Variants in SMOC2 observed in about 807,000 individuals in gnomAD.
The protein encoded by SMOC2 is SPARC related modular calcium binding 2, also known as SPARC-related modular calcium-binding protein 2.
SMOC2 carries 39 observed loss-of-function variants against 61.4 expected under a neutral mutation model. The ratio of observed to expected loss-of-function variants is 0.64; its 90% CI spans 0.49 to 0.83. The LOEUF (loss-of-function observed/expected upper bound fraction) is 0.83, where lower values mean the gene tolerates loss of function less well. SMOC2 is among the 40% of genes least tolerant of loss of function. The pLI is 0.00. For synonymous variants in SMOC2, 247 were observed against 239.9 expected (o/e 1.03, Z -0.27); for missense variants, 556 against 592.9 (o/e 0.94, Z 0.65).
At chr6:168,628,588 T>G (rs1254470841) in intron 9 of SMOC2, among the ~76,000 whole-genome samples, 1 of 152,254 alleles carries the variant, frequency 6.6e-6, no homozygotes, top group Non-Finnish European at 1.5e-5. Flanking sequence ...ACTCGCAGCA[T>G]GTATCCAACA....
intron 1 of SMOC2, among the ~76,000 whole-genome samples, chr6:168,447,603 A>G (rs1365069629): frequency 6.6e-6 from 1 of 152,080 alleles, no homozygotes. Flanking sequence ...TTGGGGGGAA[A>G]GGGGTAGGCA....
intron 4 of SMOC2, among the ~76,000 whole-genome samples, chr6:168,536,016 C>T (rs150613956): frequency 2.6e-5 from 4 of 152,234 alleles, no homozygotes; most frequent in Non-Finnish European, 4.4e-5. Flanking sequence ...AATTTTCACA[C>T]GTGCCAACCT....
chr6:168,509,000 C>T (rs978184321), intron 1 of SMOC2, among the ~76,000 whole-genome samples: 8 of 152,212 alleles, frequency 5.3e-5, no homozygotes, highest in Non-Finnish European at 7.3e-5. Flanking sequence ...TCACCTTGAG[C>T]TTCACCTTGG....
At chr6:168,664,156 T>C in intron 12 of SMOC2, 45 bp downstream of exon 12, 1 of 1,459,298 alleles carries the variant, frequency 6.9e-7, no homozygotes, top group South Asian at 1.2e-5. Context: ...GTTTTTAAAT[T>C]ATAAACAATA....
chr6:168,547,278 G>A, intron 6 of SMOC2, 109 bp downstream of exon 6: 1 of 861,576 alleles, frequency 1.2e-6, no homozygotes, highest in Non-Finnish European at 1.9e-6. Flanking sequence ...TCAGTATGGA[G>A]TGTAACATGC....
chr6:168,537,550 C>T (rs1042776149), intron 4 of SMOC2, among the ~76,000 whole-genome samples: 30 of 152,308 alleles, frequency 2.0e-4, no homozygotes, highest in African/African-American at 6.7e-4. Context: ...GGGAGAGCAG[C>T]GTCTATCCTA....
At chr6:168,510,228 A>G (rs1782974907) in intron 2 of SMOC2, 142 bp downstream of exon 2, 3 of 722,372 alleles carry the variant, frequency 4.2e-6, no homozygotes, top group Non-Finnish European at 6.5e-6. Context: ...TGTAAGGAAG[A>G]AGAGTAATTT....
chr6:168,592,317 CG>C, intron 7 of SMOC2, among the ~76,000 whole-genome samples: 1 of 147,618 alleles, frequency 6.8e-6, no homozygotes, highest in East Asian at 2.0e-4. Context: ...TGAGGCCTCA[CG>C]GGCGTCTTTC....
chr6:168,486,875 G>T (rs1782350994), intron 1 of SMOC2, among the ~76,000 whole-genome samples: 1 of 152,056 alleles, frequency 6.6e-6, no homozygotes, highest in Non-Finnish European at 1.5e-5. Context: ...CCATAGGCTT[G>T]TCACTTCTTG....
In SMOC2 at chr6:168,515,365, G is replaced by A. The variant is rs577100459; in HGVS notation, c.256+5279G>A. ...AGTCTGCGGAGAGACTGTTCCCCGC[G>A]CATCACAGATCTTGAAATAACTGGG... On this transcript the variant is annotated intron_variant, in intron 2 of 12. Coordinates refer to ENST00000356284, the MANE Select transcript of SMOC2 (RefSeq NM_001166412.2). Among the ~76,000 whole-genome samples the A allele has an allele frequency of 9.0e-4, 137 of 152,300 alleles. 4 individuals carry two copies. The South Asian group carries it at 0.027, about 30-fold the overall frequency.
intron 2 of SMOC2, among the ~76,000 whole-genome samples, chr6:168,517,440 T>C (rs1783169764): frequency 6.6e-6 from 1 of 152,224 alleles, no homozygotes; most frequent in African/African-American, 2.4e-5. Context: ...GCTTCACGTC[T>C]GATGTGGGTC....
chr6:168,501,157 T>C lies in SMOC2; in HGVS notation c.85-8758T>C, dbSNP rs137903405. ...TTAATGTAACACCATCCTCATCATA[T>C]CTTATTAGGAAGAATTTTAGAATAA... is the stretch of plus-strand genomic sequence containing the variant. On this transcript the variant is annotated intron_variant, in intron 1 of 12. Transcript: ENST00000356284. Among the ~76,000 whole-genome samples, 1,177 of 152,282 alleles carry C rather than the reference T, an allele frequency of 7.7e-3. 14 individuals are homozygous for C. Among genetic ancestry groups the C allele is most frequent in the African/African-American group, 0.025 (1,057 of 41,548 alleles).
intron 12 of SMOC2, chr6:168,664,897 C>T (rs1787621311): frequency 1.1e-5 from 5 of 454,804 alleles, no homozygotes; most frequent in South Asian, 6.5e-5. Flanking sequence ...TTTATTTTGT[C>T]TGCACCTGTT....
intron 1 of SMOC2, among the ~76,000 whole-genome samples, chr6:168,461,766 G>A (rs1434560130): frequency 2.0e-5 from 3 of 152,288 alleles, no homozygotes; most frequent in East Asian, 1.9e-4. Context: ...TGAGGCAGCC[G>A]TGCTAGAAAC....
intron 9 of SMOC2, among the ~76,000 whole-genome samples, chr6:168,610,477 A>G (rs1785830522): frequency 1.3e-5 from 2 of 152,196 alleles, no homozygotes; most frequent in African/African-American, 4.8e-5. Context: ...GGAGAAACCT[A>G]TTTCCAAAAT....
Position 168,441,227 on chromosome 6 carries a change from C to T in SMOC2, c.-144C>T, listed in dbSNP as rs989449104. 1.1e-4 allele frequency: 140 copies of T among 1,279,296 alleles called. No individual in the cohort carries two copies. The Middle Eastern group carries it at 1.4e-3, about 13-fold the overall frequency. The allele number at this position is 1,279,296 out of a possible 1,614,324, so 79.2% of individuals were successfully genotyped here. A position where few individuals can be genotyped will look rare whatever the true frequency, so the allele number is the denominator to read the frequency against. ...GTGCCTGCAGGGGAGCTGCTCCAGCCGGGCCGCCGGGAGCGGTGGGGAGAG... is the reference window on the plus strand; with the variant it reads ...GTGCCTGCAGGGGAGCTGCTCCAGCTGGGCCGCCGGGAGCGGTGGGGAGAG... On this transcript the variant is annotated 5_prime_UTR_variant, in exon 1 of 13. Coordinates refer to ENST00000356284, the MANE Select transcript of SMOC2 (RefSeq NM_001166412.2).
chr6:168,442,351 C>T (rs1464988252), intron 1 of SMOC2, among the ~76,000 whole-genome samples: 1 of 152,242 alleles, frequency 6.6e-6, no homozygotes, highest in Non-Finnish European at 1.5e-5. Context: ...AAACGAGGAG[C>T]TATGTAGAGG....
rs2115236758 is a variant in SMOC2 at position 168,624,454 on chromosome 6, G to C, written c.907+16215G>C. Among the ~76,000 whole-genome samples, 5 of 152,342 alleles carry C rather than the reference G, an allele frequency of 3.3e-5. No homozygotes were observed. In the East Asian group the frequency reaches 9.6e-4, roughly 29 times the overall value. ...CTGCAATCTATTATTGAAGGAACTA[G>C]AAGAGAATTGTTATGAAGTTGTCCT... On this transcript the variant is annotated intron_variant, in intron 9 of 12. Transcript: ENST00000356284.
At chr6:168,608,048 G>A (rs1390086457) in intron 8 of SMOC2, 109 bp from the exon 9 acceptor site, 2 of 944,088 alleles carry the variant, frequency 2.1e-6, no homozygotes, top group Non-Finnish European at 3.2e-6. Context: ...CAGAGCCACA[G>A]GTCACGGTGT....
Sources: gnomAD v4.1 joint callset for allele counts (sites outside exome capture counted in the v4.1 genomes callset) on GRCh38, gnomAD v4.1.1 for gene constraint, MANE v1.5 for transcripts, NCBI Gene and HGNC (gene_info 2026-07-23, HGNC 2026-07-21) for gene names.